LTBP1: variants seen among roughly 807,000 people sequenced by gnomAD.
LTBP1 encodes the protein latent transforming growth factor beta binding protein 1, also known as latent-transforming growth factor beta-binding protein 1.
LTBP1 carries 129 observed loss-of-function variants against 207.6 expected under a neutral mutation model. That is an observed-to-expected ratio of 0.62 (90% CI 0.54 to 0.72). The LOEUF is 0.72. LTBP1 is among the 30% of genes least tolerant of loss of function. LTBP1 has a pLI of 0.00. For synonymous variants in LTBP1, 963 were observed against 833.7 expected, an observed-to-expected ratio of 1.16 and a Z score of -2.67; for missense variants, 2,281 against 2,217.2, an observed-to-expected ratio of 1.03 and a Z score of -0.58.
chr2:33,365,547 A>G (rs774436656), intron 31 of LTBP1, 44 bp downstream of exon 31: 2 of 1,585,334 alleles, frequency 1.3e-6, no homozygotes, highest in Admixed American at 1.7e-5. Context: ...CTTTGGGGAC[A>G]AGTTCATCTC....
At position 33,134,850 on chromosome 2, in the gene LTBP1, C is replaced by T. The variant is rs768532085; in HGVS notation, c.1091C>T (p.Thr364Ile). The change falls in exon 5 of 34, where the codon ACC becomes ATC. Residue 364 changes from threonine (T) to isoleucine (I), a missense_variant. By Grantham distance (89) the Thr-to-Ile change is moderately conservative (BLOSUM62 -1). Transcript: ENST00000404816. This position sits in a 1 kb window ranked among gnomAD's most constrained non-coding sequence, Gnocchi z 4.4. Reference sequence around the variant, plus strand: ...TTTACTCCGAGCATCTGTAAAGTGACCTGCACCAAGGGCAGCTGTCAGAAC... The same window carrying T: ...TTTACTCCGAGCATCTGTAAAGTGATCTGCACCAAGGGCAGCTGTCAGAAC... ...VVFTPSICKVTCTKGSCQNSC... is the reference protein window; with the variant it reads ...VVFTPSICKVICTKGSCQNSC... 6.2e-7 allele frequency: 1 copy of T among 1,614,110 alleles called. No individual in the cohort carries two copies. Among genetic ancestry groups the T allele is most frequent in the South Asian group, 1.1e-5 (1 of 91,074 alleles).
chr2:33,389,155 G>A (rs2095293415), intron 31 of LTBP1, 29 bp from the exon 32 acceptor site: 5 of 1,613,770 alleles, frequency 3.1e-6, no homozygotes, highest in Non-Finnish European at 4.2e-6. Flanking sequence ...AACAGTGGTG[G>A]GGCCTCATGC....
At chr2:33,329,029 G>A (rs1467813933) in intron 24 of LTBP1, among the ~76,000 whole-genome samples, 2 of 151,996 alleles carry the variant, frequency 1.3e-5, no homozygotes, top group Non-Finnish European at 2.9e-5. Flanking sequence ...AATTTCTGTT[G>A]GATATCACTA....
chr2:33,327,433 G>C (rs1364035969), intron 24 of LTBP1, among the ~76,000 whole-genome samples: 1 of 151,846 alleles, frequency 6.6e-6, no homozygotes, highest in Non-Finnish European at 1.5e-5. Context: ...CAAGACTAAA[G>C]AACAATAGAA....
Position 33,077,401 on chromosome 2 carries a change from C to T in LTBP1, c.864-33181C>T, listed in dbSNP as rs116138372. 7.7e-3 allele frequency among the ~76,000 whole-genome samples: 1,166 copies of T among 152,296 alleles called. 15 individuals carry two copies. The highest frequency in any genetic ancestry group is 0.026 in the African/African-American group (1,081 of 41,550). On this transcript the variant is annotated intron_variant, in intron 3 of 33. Transcript: ENST00000404816. ...AAAGATATTTAATTGGCTCAGGGTT[C>T]TGCAGGCTGTACAGGAAGCACGGCA...
chr2:33,100,565 C>T (rs963347320), intron 3 of LTBP1, among the ~76,000 whole-genome samples: 2 of 151,792 alleles, frequency 1.3e-5, no homozygotes, highest in Admixed American at 6.6e-5. Context: ...GTAAAACTTG[C>T]CATCTTAACC....
intron 5 of LTBP1, among the ~76,000 whole-genome samples, chr2:33,137,315 T>A (rs1364264330): frequency 6.6e-6 from 1 of 152,224 alleles, no homozygotes; most frequent in Non-Finnish European, 1.5e-5. Context: ...AGTTTAAAAT[T>A]TGGGAAAAAT....
intron 4 of LTBP1, among the ~76,000 whole-genome samples, chr2:33,114,583 G>A (rs2080625630): frequency 1.3e-5 from 2 of 152,138 alleles, no homozygotes; most frequent in African/African-American, 2.4e-5. Context: ...TCCAGAGCAT[G>A]ACAATTCTCG....
At chr2:32,962,755 C>G (rs1384250093) in intron 2 of LTBP1, among the ~76,000 whole-genome samples, 1 of 152,266 alleles carries the variant, frequency 6.6e-6, no homozygotes, top group Non-Finnish European at 1.5e-5. Flanking sequence ...TGGCACCTCA[C>G]AGACACTTAG....
chr2:32,956,968 C>A (rs1053431314), intron 2 of LTBP1, among the ~76,000 whole-genome samples: 4 of 152,162 alleles, frequency 2.6e-5, no homozygotes, highest in Non-Finnish European at 5.9e-5. Flanking sequence ...TTGAAAAGAA[C>A]CTTTCTGAGC....
intron 3 of LTBP1, chr2:33,063,256 A>G (rs551511060): frequency 7.9e-5 from 12 of 151,868 alleles, no homozygotes; most frequent in African/African-American, 2.9e-4. Context: ...TACAATTTGC[A>G]TTGTCTTGAA....
intron 24 of LTBP1, among the ~76,000 whole-genome samples, chr2:33,328,309 A>G (rs868164398): frequency 8.4e-4 from 128 of 152,178 alleles, no homozygotes; most frequent in African/African-American, 2.5e-3. Flanking sequence ...CTCATATCCA[A>G]TACTCATACA....
chr2:33,186,979 T>G lies in LTBP1; in HGVS notation c.1325T>G (p.Leu442Arg). Residue 442 changes from leucine to arginine, a missense_variant, in exon 6 of 34, where the codon CTT (leucine) becomes CGT (arginine). By Grantham distance (102) the Leu-to-Arg change is moderately radical. Transcript: ENST00000404816. ...GTCCATGGTGCCAGCGTGCCTAAACTTTATCAGCATTCCCAGCAGCCAGGC... is the reference window on the plus strand; with the variant it reads ...GTCCATGGTGCCAGCGTGCCTAAACGTTATCAGCATTCCCAGCAGCCAGGC... ...IPVHGASVPK[L>R]YQHSQQPGKA... 6.2e-7 allele frequency: 1 copy of G among 1,614,206 alleles called. No individual in the cohort carries two copies. Among genetic ancestry groups the G allele is most frequent in the Non-Finnish European group, 8.5e-7 (1 of 1,180,034 alleles).
At position 33,349,733 on chromosome 2, in the gene LTBP1, A is replaced by C. The variant is rs3769549; in HGVS notation, c.4000+2223A>C. Among the ~76,000 whole-genome samples, 2,022 of 152,328 alleles carry C rather than the reference A, an allele frequency of 0.013. 145 individuals are homozygous for C. In the East Asian group the frequency reaches 0.19, roughly 15 times the overall value. On this transcript the variant is annotated intron_variant, in intron 26 of 33. Transcript: ENST00000404816. ...TGAATCAACTTTATCTAATCTTTCT[A>C]AAGCTTTAACTTGCCCTAGAAACAG...
intron 5 of LTBP1, among the ~76,000 whole-genome samples, chr2:33,157,865 C>T (rs572125314): frequency 1.6e-4 from 25 of 152,066 alleles, no homozygotes; most frequent in Non-Finnish European, 2.9e-4. Context: ...ATATAGGCCA[C>T]ATGCGGTGGT....
At chr2:33,084,667 A>G (rs909816381) in intron 3 of LTBP1, among the ~76,000 whole-genome samples, 2 of 152,184 alleles carry the variant, frequency 1.3e-5, no homozygotes, top group Non-Finnish European at 2.9e-5. Flanking sequence ...GTTTATTCTT[A>G]TAAAAAACTC....
intron 2 of LTBP1, among the ~76,000 whole-genome samples, chr2:32,967,447 G>A (rs1169291985): frequency 2.0e-5 from 3 of 151,998 alleles, no homozygotes; most frequent in African/African-American, 7.2e-5. Context: ...TTAAATATAT[G>A]CATTCATTGT....
At chr2:33,055,551 A>T (rs779573051) in intron 3 of LTBP1, among the ~76,000 whole-genome samples, 1 of 152,192 alleles carries the variant, frequency 6.6e-6, no homozygotes, top group African/African-American at 2.4e-5. Context: ...CTGTCATTCT[A>T]TCATTTACTT....
chr2:33,327,714 A>G (rs1014525712), intron 24 of LTBP1, among the ~76,000 whole-genome samples: 2 of 152,188 alleles, frequency 1.3e-5, no homozygotes, highest in African/African-American at 4.8e-5. Context: ...TATATGCCAC[A>G]ATACCTGTAA....
Sources: gnomAD v4.1 joint callset for allele counts (sites outside exome capture counted in the v4.1 genomes callset) on GRCh38, gnomAD v4.1.1 for gene constraint, Gnocchi (gnomAD v3.1) non-coding constraint, MANE v1.5 for transcripts, NCBI Gene and HGNC (gene_info 2026-07-23, HGNC 2026-07-21) for gene names.